PMS1: variants seen among roughly 807,000 people sequenced by gnomAD.
PMS1 encodes PMS1 homolog 1, mismatch repair system component.
PMS1 carries 79 observed loss-of-function variants against 93.1 expected under a neutral mutation model. That is an observed-to-expected ratio of 0.85 (90% CI 0.71 to 1.02). PMS1 has a LOEUF of 1.02. PMS1 is among the 50% of genes least tolerant of loss of function. The pLI, the probability that PMS1 is intolerant of heterozygous loss-of-function variation, is 0.00. For synonymous variants in PMS1, 335 were observed against 363.4 expected (o/e 0.92, Z 0.89); for missense variants, 1,064 against 1,085.3 (o/e 0.98, Z 0.28).
chr2:189,858,362 A>C (rs1052902916), intron 9 of PMS1, among the ~76,000 whole-genome samples: 4 of 152,168 alleles, frequency 2.6e-5, no homozygotes, highest in Non-Finnish European at 5.9e-5. Flanking sequence ...GGTATTATGA[A>C]AATGATAAAC....
At chr2:189,849,545 A>G (rs5743118) in intron 6 of PMS1, among the ~76,000 whole-genome samples, 3,566 of 152,176 alleles carry the variant, frequency 0.023, 146 homozygotes, top group African/African-American at 0.081. Flanking sequence ...TCTTGAGACA[A>G]AATTATCTAA....
intron 5 of PMS1, among the ~76,000 whole-genome samples, chr2:189,829,432 T>C (rs941789767): frequency 1.3e-5 from 2 of 152,182 alleles, no homozygotes; most frequent in Admixed American, 1.3e-4. Flanking sequence ...TTCCTACTGC[T>C]TTTTAACTGT....
At chr2:189,811,550 G>A (rs2050847683) in intron 4 of PMS1, among the ~76,000 whole-genome samples, 1 of 152,108 alleles carries the variant, frequency 6.6e-6, no homozygotes, top group Non-Finnish European at 1.5e-5. Context: ...AGCCAAGATT[G>A]TGCCATACAC....
intron 4 of PMS1, among the ~76,000 whole-genome samples, chr2:189,816,528 T>G (rs2051317814): frequency 6.6e-6 from 1 of 152,198 alleles, no homozygotes; most frequent in Non-Finnish European, 1.5e-5. Flanking sequence ...CCTAAAATAT[T>G]TCTCCTTATA....
chr2:189,786,990 C>A (rs1216401031), intron 1 of PMS1, among the ~76,000 whole-genome samples: 2 of 151,988 alleles, frequency 1.3e-5, no homozygotes, highest in Admixed American at 6.6e-5. Flanking sequence ...GAGGTGGAGG[C>A]TGCAGTGAGC....
chr2:189,833,195 C>G (rs2106377787), intron 5 of PMS1, among the ~76,000 whole-genome samples: 1 of 152,272 alleles, frequency 6.6e-6, no homozygotes, highest in South Asian at 2.1e-4. Context: ...TTGACCTTTT[C>G]TCGTAGTTGC....
chr2:189,816,717 A>T (rs528838280), intron 4 of PMS1, among the ~76,000 whole-genome samples: 2 of 152,250 alleles, frequency 1.3e-5, no homozygotes, highest in South Asian at 4.1e-4. Flanking sequence ...CTACAGTTTC[A>T]AAGTCTTATA....
intron 11 of PMS1, among the ~76,000 whole-genome samples, chr2:189,871,523 A>G (rs1255059774): frequency 1.3e-5 from 2 of 152,202 alleles, no homozygotes; most frequent in Non-Finnish European, 2.9e-5. Context: ...AAATTCCTCA[A>G]TATCATCTGA....
At position 189,863,733 on chromosome 2, in the gene PMS1, C is replaced by T. The variant is rs770851417; in HGVS notation, c.1857-10C>T. ...TGATCTCATTAGTTCTATTTTATTT[C>T]TATTCTTAGATATGAAGAGAAGGCT... On this transcript the variant is annotated splice_polypyrimidine_tract_variant and intron_variant, in intron 9 of 12. Transcript: ENST00000441310. 1.4e-5 allele frequency: 22 copies of T among 1,560,238 alleles called. No homozygotes were observed. In the Admixed American group the frequency reaches 3.0e-4, roughly 21 times the overall value.
chr2:189,802,973 G>T (rs2106264758), intron 3 of PMS1, among the ~76,000 whole-genome samples: 1 of 152,226 alleles, frequency 6.6e-6, no homozygotes, highest in Middle Eastern at 3.4e-3. Context: ...CCCCATAGTG[G>T]GTATCTGGGA....
intron 4 of PMS1, among the ~76,000 whole-genome samples, chr2:189,808,800 G>A (rs541850442): frequency 6.6e-6 from 1 of 152,108 alleles, no homozygotes; most frequent in Non-Finnish European, 1.5e-5. Context: ...CCATTTTAAA[G>A]CATTTTTTTA....
At chr2:189,809,813 CAA>C (rs2050679946) in intron 4 of PMS1, among the ~76,000 whole-genome samples, 1 of 152,136 alleles carries the variant, frequency 6.6e-6, no homozygotes, top group Non-Finnish European at 1.5e-5. Context: ...GCCTGGGCAA[CAA>C]GAGTGAAACT....
intron 10 of PMS1, among the ~76,000 whole-genome samples, chr2:189,866,794 G>C (rs967743640): frequency 2.6e-5 from 4 of 152,216 alleles, no homozygotes; most frequent in Middle Eastern, 3.4e-3. Context: ...AGGCTCACAC[G>C]GACAGTAAAT....
At chr2:189,860,073 GT>G (rs5743158) in intron 9 of PMS1, among the ~76,000 whole-genome samples, 2 of 151,998 alleles carry the variant, frequency 1.3e-5, no homozygotes, top group Non-Finnish European at 2.9e-5. Flanking sequence ...TTCTTAAATG[GT>G]TTTTTTAACT....
At chr2:189,859,124 C>T (rs1164840078) in intron 9 of PMS1, among the ~76,000 whole-genome samples, 2 of 152,110 alleles carry the variant, frequency 1.3e-5, no homozygotes, top group Non-Finnish European at 2.9e-5. Flanking sequence ...AATCTTTTAG[C>T]AAAGTTACTT....
intron 2 of PMS1, among the ~76,000 whole-genome samples, chr2:189,792,872 C>A (rs190831775): frequency 1.3e-3 from 200 of 151,572 alleles, no homozygotes; most frequent in Non-Finnish European, 4.1e-4. Flanking sequence ...AGTGCAATGG[C>A]GCGATCTCAG....
At chr2:189,864,430 G>T (rs2056365846) in intron 10 of PMS1, 1 of 499,870 alleles carries the variant, frequency 2.0e-6, no homozygotes, top group East Asian at 4.7e-5. Context: ...GGCCAAGGTG[G>T]GTGGATCACG....
At chr2:189,846,396 C>T (rs905104879) in intron 6 of PMS1, among the ~76,000 whole-genome samples, 2 of 151,992 alleles carry the variant, frequency 1.3e-5, no homozygotes, top group Admixed American at 1.3e-4. Context: ...CCTGTAATCC[C>T]AGCTACTTGG....
chr2:189,844,933 C>T (rs1188136858), intron 6 of PMS1, among the ~76,000 whole-genome samples: 3 of 151,998 alleles, frequency 2.0e-5, no homozygotes, highest in African/African-American at 7.2e-5. Context: ...TCTCAGCCCA[C>T]TACAGCCTCC....
Sources: allele counts gnomAD v4.1 joint callset (sites outside exome capture counted in the v4.1 genomes callset), GRCh38; gene constraint gnomAD v4.1.1; transcripts MANE v1.5; gene names NCBI Gene and HGNC (gene_info 2026-07-23, HGNC 2026-07-21).